The following ZZZ3 variants were observed in gnomAD, a reference collection of about 807,000 sequenced individuals.
ZZZ3 encodes the protein zinc finger ZZ-type containing 3, also known as ZZ-type zinc finger-containing protein 3.
ZZZ3 carries 22 observed loss-of-function variants against 95.2 expected under a neutral mutation model. The observed-to-expected ratio is 0.23, with a 90% CI of 0.17 to 0.33. The LOEUF is 0.33. Among genes scored for constraint, ZZZ3 ranks in the 10% least tolerant of loss-of-function variants. The pLI, the probability that ZZZ3 is intolerant of heterozygous loss-of-function variation, is 1.00. For missense variants in ZZZ3, 885 were observed against 1,066.5 expected (o/e 0.83, Z 2.37); for synonymous variants, 335 against 358.9 (o/e 0.93, Z 0.75).
chr1:77,673,312 T>C (rs967063609), intron 1 of ZZZ3, among the ~76,000 whole-genome samples: 1 of 152,130 alleles, frequency 6.6e-6, no homozygotes, highest in Non-Finnish European at 1.5e-5. Context: ...AGTTGCACTT[T>C]ACGGCCAGGC....
At chr1:77,621,514 G>GT (rs1666858095) in intron 5 of ZZZ3, among the ~76,000 whole-genome samples, 2 of 133,788 alleles carry the variant, frequency 1.5e-5, no homozygotes, top group South Asian at 2.4e-4. Flanking sequence ...TTAAATTTAA[G>GT]TTAAAAAAAA....
Position 77,576,170 on chromosome 1 carries a change from A to G in ZZZ3, c.2229T>C (p.Pro743=). ...GTTCATGTGAAGTCATGAAAGTGGA[A>G]GGCTTAAAGAGATGCTTATTAAGAG... is the stretch of plus-strand genomic sequence containing the variant. ...QHPLNKHLFK[P]STFMTSHEPP... Residue 743 remains proline (P), a synonymous_variant, in exon 12 of 15, where the codon CCT becomes CCC. Coordinates refer to ENST00000370801, the MANE Select transcript of ZZZ3 (RefSeq NM_015534.6). The G allele has an allele frequency of 6.2e-7, 1 of 1,612,804 alleles. No homozygotes were observed. The highest frequency in any genetic ancestry group is 1.3e-5 in the African/African-American group (1 of 74,982).
At chr1:77,591,168 C>G (rs1484024452) in intron 5 of ZZZ3, among the ~76,000 whole-genome samples, 1 of 151,960 alleles carries the variant, frequency 6.6e-6, no homozygotes, top group East Asian at 1.9e-4. Context: ...ATATGTTATG[C>G]AGCACGCAAA....
chr1:77,618,500 A>T (rs1239006740), intron 5 of ZZZ3, among the ~76,000 whole-genome samples: 2 of 152,100 alleles, frequency 1.3e-5, no homozygotes, highest in East Asian at 3.9e-4. Flanking sequence ...AAAATAAGAA[A>T]AACTAGCCTG....
chr1:77,642,049 A>T (rs1050066122), intron 1 of ZZZ3, among the ~76,000 whole-genome samples: 3 of 152,216 alleles, frequency 2.0e-5, no homozygotes, highest in African/African-American at 4.8e-5. Flanking sequence ...ATCTATAATT[A>T]AAAATGAAGT....
chr1:77,681,899 C>CAAA lies in ZZZ3; in HGVS notation c.-403+683_-403+685dup, dbSNP rs61661880. Among the ~76,000 whole-genome samples the CAAA allele has an allele frequency of 3.8e-3, 360 of 94,680 alleles. 4 individuals carry two copies. Among genetic ancestry groups the CAAA allele is most frequent in the African/African-American group, 5.6e-3 (152 of 27,316 alleles). The allele number at this position is 94,680 out of a possible 152,430, so 62.1% of individuals were successfully genotyped here. ...AGGCGACAAGAGCGAGACTCCGTCTCAAAAAAAAAAAAAAAAAAATCACAT... is the reference window on the plus strand; with the variant it reads ...AGGCGACAAGAGCGAGACTCCGTCTCAAAAAAAAAAAAAAAAAAAAAATCACAT... On this transcript the variant is annotated intron_variant, in intron 1 of 14. Coordinates refer to ENST00000370801, the MANE Select transcript of ZZZ3 (RefSeq NM_015534.6).
chr1:77,587,511 G>A (rs990119319), intron 5 of ZZZ3, among the ~76,000 whole-genome samples: 29 of 152,108 alleles, frequency 1.9e-4, no homozygotes, highest in African/African-American at 5.8e-4. Flanking sequence ...TGATCCGCCC[G>A]CCTCGGCCTC....
chr1:77,609,036 G>A (rs1037525646), intron 5 of ZZZ3, among the ~76,000 whole-genome samples: 6 of 152,004 alleles, frequency 3.9e-5, no homozygotes, highest in Non-Finnish European at 7.4e-5. Context: ...TTACTTATCA[G>A]TAATAACATT....
chr1:77,673,391 G>A (rs1264647311), intron 1 of ZZZ3, among the ~76,000 whole-genome samples: 2 of 152,104 alleles, frequency 1.3e-5, no homozygotes, highest in African/African-American at 4.8e-5. Flanking sequence ...GAGGTCAGGG[G>A]TTCGAAACCA....
At chr1:77,633,484 T>G (rs1668016600) in intron 4 of ZZZ3, 79 bp from the exon 5 acceptor site, 1 of 865,350 alleles carries the variant, frequency 1.2e-6, no homozygotes, top group Admixed American at 3.3e-5. Flanking sequence ...CTATAACTTT[T>G]TAATCCAAGT....
intron 5 of ZZZ3, among the ~76,000 whole-genome samples, chr1:77,618,583 G>A (rs574097768): frequency 6.6e-6 from 1 of 152,100 alleles, no homozygotes; most frequent in African/African-American, 2.4e-5. Context: ...ATTTCATGAG[G>A]TCTGCCTCGA....
intron 1 of ZZZ3, among the ~76,000 whole-genome samples, chr1:77,656,301 T>A (rs1354868229): frequency 6.6e-6 from 1 of 152,228 alleles, no homozygotes; most frequent in African/African-American, 2.4e-5. Flanking sequence ...TATTTAGTGA[T>A]ACTTATCCTT....
At chr1:77,578,719 A>G in intron 11 of ZZZ3, 55 bp downstream of exon 11, 1 of 1,018,626 alleles carries the variant, frequency 9.8e-7, no homozygotes. Flanking sequence ...TTTACATAGC[A>G]ATTCTTACTT....
intron 4 of ZZZ3, among the ~76,000 whole-genome samples, chr1:77,637,395 T>G (rs1434619416): frequency 6.6e-6 from 1 of 152,214 alleles, no homozygotes; most frequent in Non-Finnish European, 1.5e-5. Flanking sequence ...TTCCCTCTGA[T>G]CATTTTTTTC....
chr1:77,649,635 C>T (rs1237294193), intron 1 of ZZZ3, among the ~76,000 whole-genome samples: 1 of 152,146 alleles, frequency 6.6e-6, no homozygotes, highest in African/African-American at 2.4e-5. Flanking sequence ...GTAATCCCAA[C>T]ACTTTGGGAG....
chr1:77,673,792 GCTTAAA>G (rs1238745438), intron 1 of ZZZ3, among the ~76,000 whole-genome samples: 36 of 152,064 alleles, frequency 2.4e-4, no homozygotes, highest in South Asian at 8.3e-4. Context: ...AAGTAAAGTG[GCTTAAA>G]CTTAAATTGG....
At chr1:77,647,640 G>T (rs770231090) in intron 1 of ZZZ3, among the ~76,000 whole-genome samples, 26 of 151,960 alleles carry the variant, frequency 1.7e-4, no homozygotes, top group Non-Finnish European at 3.1e-4. Flanking sequence ...ACCTTTGTTC[G>T]TAATAAGTGA....
chr1:77,566,575 T>G (rs956522066), intron 13 of ZZZ3, among the ~76,000 whole-genome samples: 1 of 152,200 alleles, frequency 6.6e-6, no homozygotes, highest in Non-Finnish European at 1.5e-5. Flanking sequence ...GTTAAAACTA[T>G]CCAAATACTG....
chr1:77,642,674 G>C (rs1668890912), intron 1 of ZZZ3, among the ~76,000 whole-genome samples: 1 of 152,090 alleles, frequency 6.6e-6, no homozygotes, highest in Non-Finnish European at 1.5e-5. Context: ...GATCATCTGA[G>C]CCCCGGAAAT....
Sources: allele counts gnomAD v4.1 joint callset (sites outside exome capture counted in the v4.1 genomes callset), GRCh38; gene constraint gnomAD v4.1.1; transcripts MANE v1.5; gene names NCBI Gene and HGNC (gene_info 2026-07-23, HGNC 2026-07-21).